Variants in ZNF609 observed in about 807,000 individuals in gnomAD.
ZNF609 encodes the protein zinc finger protein 609.
Under a neutral mutation model 109.5 loss-of-function variants are expected in ZNF609, and 11 were observed. That is an observed-to-expected ratio of 0.10 (90% CI 0.06 to 0.17). The LOEUF (loss-of-function observed/expected upper bound fraction) is 0.17, where lower values mean the gene tolerates loss of function less well. ZNF609 is among the 10% of genes least tolerant of loss of function. ZNF609 has a pLI of 1.00. For synonymous variants in ZNF609, 646 were observed against 662.0 expected, an observed-to-expected ratio of 0.98 and a Z score of 0.37; for missense variants, 1,559 against 1,772.4, an observed-to-expected ratio of 0.88 and a Z score of 2.16.
At chr15:64,645,029 C>CT (rs1896312484) in intron 3 of ZNF609, among the ~76,000 whole-genome samples, 1 of 138,548 alleles carries the variant, frequency 7.2e-6, no homozygotes, top group African/African-American at 2.8e-5. Context: ...TCCTTCCTTC[C>CT]TTTCTTCCTT....
chr15:64,532,321 T>C (rs1229706965), intron 2 of ZNF609, among the ~76,000 whole-genome samples: 2 of 152,256 alleles, frequency 1.3e-5, no homozygotes, highest in African/African-American at 2.4e-5. Flanking sequence ...TACTTTATTA[T>C]GCTTATTGTT....
In ZNF609 at chr15:64,674,003, C is replaced by T. The variant is rs1338673391; in HGVS notation, c.1149C>T (p.Val383=). The change falls in exon 5 of 10, where the codon GTC becomes GTT. Residue 383 remains valine, a synonymous_variant. Transcript: ENST00000326648. Reference sequence around the variant, plus strand: ...TGCGTCCCAACAGTAATACACCTGTCAATGAGACAGCCACAGCCTCTGACA... The same window carrying T: ...TGCGTCCCAACAGTAATACACCTGTTAATGAGACAGCCACAGCCTCTGACA... ...KRMRPNSNTP[V]NETATASDSK... is the part of the protein sequence containing the mutation. 1.2e-6 allele frequency: 2 copies of T among 1,614,034 alleles called. No homozygotes were observed. The highest frequency in any genetic ancestry group is 1.7e-5 in the Admixed American group (1 of 59,988).
In ZNF609 at chr15:64,474,919, C is replaced by T. The variant is rs145062467; in HGVS notation, c.-128+14081C>T. ...TTATGATTTGACCAAACCTGGCCTT[C>T]CTCAACCTTATTTCATATTTTTCAT... On this transcript the variant is annotated intron_variant, in intron 1 of 9. Transcript: ENST00000326648. Among the ~76,000 whole-genome samples, 340 of 152,126 alleles carry T rather than the reference C, an allele frequency of 2.2e-3. 1 individual carries two copies. The highest frequency in any genetic ancestry group is 8.0e-3 in the African/African-American group (332 of 41,504).
intron 3 of ZNF609, chr15:64,631,278 G>T: frequency 1.5e-6 from 1 of 660,754 alleles, no homozygotes. Flanking sequence ...GTTTCAGGAA[G>T]CTATCTTGGC....
At position 64,471,770 on chromosome 15, in the gene ZNF609, A is replaced by G. The variant is rs550333328; in HGVS notation, c.-128+10932A>G. ...GGCTAATTTTTTATTTTTAGTGGAGATGGGGTTTCTCCATGTTGGTCTGGC... is the reference window on the plus strand; with the variant it reads ...GGCTAATTTTTTATTTTTAGTGGAGGTGGGGTTTCTCCATGTTGGTCTGGC... On this transcript the variant is annotated intron_variant, in intron 1 of 9. Coordinates refer to ENST00000326648, the MANE Select transcript of ZNF609 (RefSeq NM_015042.2). Among the ~76,000 whole-genome samples, 21 of 151,826 alleles carry G rather than the reference A, an allele frequency of 1.4e-4. No homozygotes were observed. In the East Asian group the frequency reaches 4.1e-3, roughly 29 times the overall value.
intron 2 of ZNF609, among the ~76,000 whole-genome samples, chr15:64,597,401 TCTC>T (rs1264598588): frequency 1.3e-5 from 2 of 152,138 alleles, no homozygotes; most frequent in Admixed American, 6.6e-5. Context: ...ACCTAATCTT[TCTC>T]CTCCTTCTCC....
At chr15:64,525,304 G>A (rs773331088) in intron 2 of ZNF609, among the ~76,000 whole-genome samples, 7 of 152,022 alleles carry the variant, frequency 4.6e-5, no homozygotes, top group Non-Finnish European at 8.8e-5. Context: ...GTACATATGC[G>A]GTTTTCCTAG....
chr15:64,551,199 G>A (rs1431447728), intron 2 of ZNF609, among the ~76,000 whole-genome samples: 1 of 152,102 alleles, frequency 6.6e-6, no homozygotes, highest in Admixed American at 6.5e-5. Flanking sequence ...GGGACTATAG[G>A]CATGCACTCT....
intron 1 of ZNF609, among the ~76,000 whole-genome samples, chr15:64,461,600 A>G (rs900783747): frequency 6.6e-6 from 1 of 152,158 alleles, no homozygotes; most frequent in Non-Finnish European, 1.5e-5. Context: ...GTGTTTGTGA[A>G]ACAGGCAGCA....
chr15:64,617,516 A>C (rs1454008149), intron 2 of ZNF609, among the ~76,000 whole-genome samples: 1 of 151,936 alleles, frequency 6.6e-6, no homozygotes, highest in East Asian at 1.9e-4. Flanking sequence ...ATCGCCAGGC[A>C]TGTCTGTAAT....
rs1896793410 is a variant in ZNF609, at chr15:64,675,370, A to G, written c.2516A>G (p.Lys839Arg). The change falls in exon 5 of 10, where the codon AAA becomes AGA. Residue 839 changes from lysine (K) to arginine (R), a missense_variant. By Grantham distance (26) the Lys-to-Arg change is conservative (BLOSUM62 2). This residue lies in a region of ZNF609 where 1,204 missense variants were observed against 1,314.1 expected (regional missense o/e 0.92). Coordinates refer to ENST00000326648, the MANE Select transcript of ZNF609 (RefSeq NM_015042.2). ...AATGGAGCTGAAGCCAGCTCAGTCA[A>G]AACCAACAGCCCTGCATACTCTGAC... ...TQNGAEASSV[K>R]TNSPAYSDIS... The G allele has an allele frequency of 6.2e-7, 1 of 1,614,108 alleles. No homozygotes were observed. Among genetic ancestry groups the G allele is most frequent in the South Asian group, 1.1e-5 (1 of 91,058 alleles).
chr15:64,477,404 T>C (rs1893189527), intron 1 of ZNF609, among the ~76,000 whole-genome samples: 1 of 151,992 alleles, frequency 6.6e-6, no homozygotes, highest in South Asian at 2.1e-4. Flanking sequence ...CCTCCCAAAG[T>C]GCTGAGATTA....
chr15:64,610,924 CG>C (rs1307166213), intron 2 of ZNF609, among the ~76,000 whole-genome samples: 80 of 152,174 alleles, frequency 5.3e-4, no homozygotes, highest in African/African-American at 1.9e-3. Flanking sequence ...CTTCTGACAT[CG>C]TGATTATTAA....
intron 2 of ZNF609, among the ~76,000 whole-genome samples, chr15:64,568,156 T>G (rs189176644): frequency 2.3e-4 from 35 of 152,310 alleles, no homozygotes; most frequent in African/African-American, 8.2e-4. Context: ...CTCTCCCAAA[T>G]ACTTTATCAT....
intron 2 of ZNF609, 92 bp downstream of exon 2, chr15:64,500,258 T>A (rs1336669812): frequency 4.0e-6 from 6 of 1,510,568 alleles, no homozygotes; most frequent in African/African-American, 2.7e-5. Flanking sequence ...TGTGGGAGGC[T>A]CATTAGTGTG....
intron 2 of ZNF609, among the ~76,000 whole-genome samples, chr15:64,536,185 T>A (rs1894140052): frequency 6.6e-6 from 1 of 152,168 alleles, no homozygotes; most frequent in Admixed American, 6.5e-5. Flanking sequence ...TACACCTGGC[T>A]AATTTTTTTA....
intron 2 of ZNF609, among the ~76,000 whole-genome samples, chr15:64,508,932 G>A (rs1249438515): frequency 6.6e-6 from 1 of 151,966 alleles, no homozygotes; most frequent in Non-Finnish European, 1.5e-5. Context: ...AACTTCAAGC[G>A]ATCCTCCTGC....
At chr15:64,507,236 G>A (rs1893650656) in intron 2 of ZNF609, among the ~76,000 whole-genome samples, 1 of 152,182 alleles carries the variant, frequency 6.6e-6, no homozygotes, top group Non-Finnish European at 1.5e-5. Context: ...TTCTACACAA[G>A]ACTGCATGGA....
chr15:64,550,850 A>G (rs1038451060), intron 2 of ZNF609, among the ~76,000 whole-genome samples: 2 of 152,018 alleles, frequency 1.3e-5, no homozygotes, highest in East Asian at 3.8e-4. Context: ...AAAAAAAAAA[A>G]AAAAAAGAAA....
Sources: allele counts gnomAD v4.1 joint callset (sites outside exome capture counted in the v4.1 genomes callset), GRCh38; gene constraint gnomAD v4.1.1; regional missense constraint gnomAD v4.1.1; transcripts MANE v1.5; gene names NCBI Gene and HGNC (gene_info 2026-07-23, HGNC 2026-07-21).